The following KRT6C variants were observed in gnomAD, a reference collection of about 807,000 sequenced individuals.
KRT6C encodes keratin 6C.
A neutral mutation model predicts 49.4 loss-of-function variants in KRT6C; 46 were observed. That is an observed-to-expected ratio of 0.93 (90% CI 0.74 to 1.19). The LOEUF (loss-of-function observed/expected upper bound fraction) is 1.19, where lower values mean the gene tolerates loss of function less well. Among genes scored for constraint, KRT6C ranks in the 50% most tolerant of loss-of-function variants. The probability of loss-of-function intolerance (pLI) is 0.00; values close to 1 mark genes in which losing one functional copy is unlikely to be tolerated. For synonymous variants in KRT6C, 236 were observed against 297.1 expected (o/e 0.79, Z 2.12); for missense variants, 552 against 737.5 (o/e 0.75, Z 2.91).
Position 52,468,668 on chromosome 12 carries a change from T to C in KRT6C, c.*394A>G, listed in dbSNP as rs1359239384. The C allele has an allele frequency of 7.7e-6, 2 of 261,292 alleles. No individual in the cohort carries two copies. Among genetic ancestry groups the C allele is most frequent in the African/African-American group, 4.4e-5 (2 of 45,478 alleles). 16.2% of individuals were successfully genotyped at this position (261,292 alleles called of 1,614,324 possible). A position where few individuals can be genotyped will look rare whatever the true frequency, so the allele number is the denominator to read the frequency against. ...TTCACAATACTTTTAACTTAGGGAG[T>C]TTGGGGGCCAATGGAAAATAAGTGG... On this transcript the variant is annotated 3_prime_UTR_variant, in exon 9 of 9. Coordinates refer to ENST00000252250, the MANE Select transcript of KRT6C (RefSeq NM_173086.5).
chr12:52,473,406 C>G lies in KRT6C; in HGVS notation c.332G>C (p.Gly111Ala), dbSNP rs394598. 1 of 1,253,676 alleles carries G rather than the reference C, an allele frequency of 8.0e-7. No homozygotes were observed. The highest frequency in any genetic ancestry group is 1.1e-6 in the Non-Finnish European group (1 of 900,054). 77.7% of individuals were successfully genotyped at this position (1,253,676 alleles called of 1,614,324 possible). ...AGCAAGGCCGGCTCCACCACCCAGA[C>G]CAAAGCCAATGCCGGCTCCACCACC... The part of the protein sequence containing the change: ...GFGGGAGIGF[G>A]LGGGAGLAGG... The change falls in exon 1 of 9, where the codon GGT (glycine) becomes GCT (alanine). Residue 111 changes from glycine to alanine, a missense_variant. Transcript: ENST00000252250.
At chr12:52,471,925 T>C in intron 2 of KRT6C, 141 bp downstream of exon 2, 1 of 1,112,318 alleles carries the variant, frequency 9.0e-7, no homozygotes, top group South Asian at 1.3e-5. Context: ...CATAACCATC[T>C]GTGGTTCTTG....
Position 52,469,312 on chromosome 12 carries a change from G to A in KRT6C, c.1460-15C>T, listed in dbSNP as rs1270944826. 1.2e-6 allele frequency: 2 copies of A among 1,613,966 alleles called. No individual in the cohort carries two copies. The highest frequency in any genetic ancestry group is 3.3e-5 in the Admixed American group (2 of 60,020). On this transcript the variant is annotated splice_polypyrimidine_tract_variant and intron_variant, in intron 8 of 8. Coordinates refer to ENST00000252250, the MANE Select transcript of KRT6C (RefSeq NM_173086.5). ...CTGTACTACAGCTGTGGTGGGGAGG[G>A]GACAAGGACACAAGAAGCCACGGTG...
chr12:52,470,809 C>T (rs1937865042), intron 5 of KRT6C, among the ~76,000 whole-genome samples, 179 bp from the exon 6 acceptor site: 2 of 152,032 alleles, frequency 1.3e-5, no homozygotes, highest in South Asian at 4.1e-4. Context: ...ACAGACGATC[C>T]TCATTATGGC....
Position 52,469,767 on chromosome 12 carries a change from G to A in KRT6C, c.1327C>T (p.Arg443Trp), listed in dbSNP as rs755081735. 54 of 1,614,086 alleles carry A rather than the reference G, an allele frequency of 3.3e-5. No homozygotes were observed. In the South Asian group the frequency reaches 4.1e-4, roughly 12 times the overall value. ...ALQKAKQDLA[R>W]LLKEYQELMN... The stretch of plus-strand genomic sequence containing the variant: ...AGCTCCTGGTACTCCTTCAGCAGCC[G>A]GGCCAGGTCCTGCTTGGCCTTCTGC... Residue 443 changes from arginine (R) to tryptophan (W), a missense_variant, in exon 7 of 9, where the codon CGG becomes TGG. Transcript: ENST00000252250.
intron 1 of KRT6C, among the ~76,000 whole-genome samples, chr12:52,472,624 G>T (rs1264404757): frequency 1.5e-5 from 2 of 135,032 alleles, no homozygotes; most frequent in African/African-American, 4.9e-5. Context: ...TTACTGATAG[G>T]ATCTTAGTTA....
At position 52,471,814 on chromosome 12, in the gene KRT6C, T is replaced by C. The variant is rs941880801; in HGVS notation, c.756-82A>G. On this transcript the variant is annotated intron_variant, in intron 2 of 8. Coordinates refer to ENST00000252250, the MANE Select transcript of KRT6C (RefSeq NM_173086.5). ...AGCAGCTTGGGATTCAACAATTTCC[T>C]GAATGGAATATATTCTAATTGAGCT... The C allele has an allele frequency of 2.0e-5, 29 of 1,471,332 alleles. No individual in the cohort carries two copies. The African/African-American group carries it at 2.7e-4, about 14-fold the overall frequency. 91.1% of individuals were successfully genotyped at this position (1,471,332 alleles called of 1,614,324 possible). A position where few individuals can be genotyped will look rare whatever the true frequency, so the allele number is the denominator to read the frequency against.
rs1193053602 is a variant in KRT6C, at chr12:52,472,480, G to A, written c.541-200C>T. 1.5e-5 allele frequency among the ~76,000 whole-genome samples: 2 copies of A among 135,210 alleles called. 1 individual carries two copies. Among genetic ancestry groups the A allele is most frequent in the Non-Finnish European group, 3.4e-5 (2 of 58,298 alleles). 88.7% of individuals were successfully genotyped at this position (135,210 alleles called of 152,430 possible). On this transcript the variant is annotated intron_variant, in intron 1 of 8. Transcript: ENST00000252250. ...GTCTCACTAGAGAAATTGTCCCATG[G>A]ACCATTGAGGTGTTCTCACGCTGTA... is the stretch of plus-strand genomic sequence containing the variant.
Position 52,468,966 on chromosome 12 carries a change from G to C in KRT6C, c.*96C>G. 3 of 1,506,942 alleles carry C rather than the reference G, an allele frequency of 2.0e-6. No homozygotes were observed. The highest frequency in any genetic ancestry group is 2.8e-6 in the Non-Finnish European group (3 of 1,090,424). The allele number at this position is 1,506,942 out of a possible 1,614,324, so 93.3% of individuals were successfully genotyped here. A position where few individuals can be genotyped will look rare whatever the true frequency, so the allele number is the denominator to read the frequency against. On this transcript the variant is annotated 3_prime_UTR_variant, in exon 9 of 9. Coordinates refer to ENST00000252250, the MANE Select transcript of KRT6C (RefSeq NM_173086.5). ...CAGCTCTACCTCGGAGAGCAGGGAA[G>C]ACTAGAGGCCAGGAGAGGATAGGCA...
Position 52,471,470 on chromosome 12 carries a change from G to A in KRT6C, c.863C>T (p.Ala288Val), listed in dbSNP as rs559979632. The change falls in exon 4 of 9, where the codon GCA becomes GTA. Residue 288 changes from alanine (A) to valine (V), a missense_variant. Around this residue, in one of 3 missense-constraint regions of KRT6C, gnomAD observed 425 missense variants for 439.4 expected, o/e 0.97. Coordinates refer to ENST00000252250, the MANE Select transcript of KRT6C (RefSeq NM_173086.5). Reference protein sequence around the residue: ...YMNKVELQAKADTLTDEINFL... With the variant: ...YMNKVELQAKVDTLTDEINFL... ...GTTGATCTCATCTGTGAGAGTGTCT[G>A]CCTTGGCTTGCAGTTCAACCTTGTT... 6.2e-7 allele frequency: 1 copy of A among 1,613,810 alleles called. No homozygotes were observed. Among genetic ancestry groups the A allele is most frequent in the East Asian group, 2.2e-5 (1 of 44,878 alleles).
chr12:52,472,848 C>T (rs139735490), intron 1 of KRT6C, among the ~76,000 whole-genome samples: 14,802 of 101,112 alleles, frequency 0.15, 874 homozygotes, highest in East Asian at 0.23. Context: ...CTTACCCAGA[C>T]CCCAGAGTGT....
Position 52,469,381 on chromosome 12 carries a change from C to G in KRT6C, c.1459+30G>C, listed in dbSNP as rs200573065. ...GAGCCCAGTCAGAAGAGTGCGAGGGCAGGGGAGGAAGGCAAGCAAAGGTAC... is the reference window on the plus strand; with the variant it reads ...GAGCCCAGTCAGAAGAGTGCGAGGGGAGGGGAGGAAGGCAAGCAAAGGTAC... On this transcript the variant is annotated intron_variant, in intron 8 of 8. Transcript: ENST00000252250. The G allele has an allele frequency of 5.6e-4, 908 of 1,614,026 alleles. 2 individuals are homozygous for G. The highest frequency in any genetic ancestry group is 7.8e-4 in the South Asian group (71 of 91,074).
Position 52,471,145 on chromosome 12 carries a change from C to A in KRT6C, c.1064G>T (p.Trp355Leu). The A allele has an allele frequency of 6.2e-7, 1 of 1,614,146 alleles. No individual in the cohort carries two copies. The highest frequency in any genetic ancestry group is 8.5e-7 in the Non-Finnish European group (1 of 1,180,034). ...AQRSRAEAES[W>L]YQTKYEELQV... ...CTCCCTGCTCACCTTGGTCTGGTAC[C>A]AGGACTCAGCCTCAGCCCGGCTCCT... The change falls in exon 5 of 9, where the codon TGG (tryptophan) becomes TTG (leucine). Residue 355 changes from tryptophan (W) to leucine (L), a missense_variant. Coordinates refer to ENST00000252250, the MANE Select transcript of KRT6C (RefSeq NM_173086.5).
intron 7 of KRT6C, 34 bp downstream of exon 7, chr12:52,469,636 T>C (rs767128126): frequency 6.8e-6 from 11 of 1,614,054 alleles, no homozygotes; most frequent in Non-Finnish European, 9.3e-6. Context: ...GAAGATGGAC[T>C]CAGCTGTTGG....
chr12:52,471,902 C>G (rs1394669176), intron 2 of KRT6C, among the ~76,000 whole-genome samples, 164 bp downstream of exon 2: 4 of 149,604 alleles, frequency 2.7e-5, no homozygotes, highest in Non-Finnish European at 5.9e-5. Flanking sequence ...CTTCTTTAAT[C>G]CCCCCATCCT....
At chr12:52,470,856 A>G (rs570342232) in intron 5 of KRT6C, among the ~76,000 whole-genome samples, 26 of 152,228 alleles carry the variant, frequency 1.7e-4, no homozygotes, top group South Asian at 4.1e-4. Context: ...GAGTAGAAAT[A>G]TTCTGTACCA....
chr12:52,469,396 A>G lies in KRT6C; in HGVS notation c.1459+15T>C, dbSNP rs765712136. 60 of 1,613,998 alleles carry G rather than the reference A, an allele frequency of 3.7e-5. No homozygotes were observed. Among genetic ancestry groups the G allele is most frequent in the Non-Finnish European group, 5.0e-5 (59 of 1,179,882 alleles). On this transcript the variant is annotated intron_variant, in intron 8 of 8. Transcript: ENST00000252250. ...AGTGCGAGGGCAGGGGAGGAAGGCA[A>G]GCAAAGGTACTTACAGACGTTGACT...
chr12:52,471,363 A>T (rs1232475446), intron 4 of KRT6C, 58 bp downstream of exon 4: 1 of 1,614,064 alleles, frequency 6.2e-7, no homozygotes, highest in East Asian at 2.2e-5. Flanking sequence ...AACCCTATAC[A>T]TCTTCTCCCC....
Position 52,469,850 on chromosome 12 carries a change from C to A in KRT6C, c.1244G>T (p.Arg415Leu), listed in dbSNP as rs748113564. The A allele has an allele frequency of 1.2e-6, 2 of 1,614,124 alleles. No individual in the cohort carries two copies. The highest frequency in any genetic ancestry group is 1.1e-5 in the South Asian group (1 of 91,084). The change falls in exon 7 of 9, where the codon CGT becomes CTT. Residue 415 changes from arginine (R) to leucine (L), a missense_variant. Around this residue, in one of 3 missense-constraint regions of KRT6C, gnomAD observed 425 missense variants for 439.4 expected, o/e 0.97. Coordinates refer to ENST00000252250, the MANE Select transcript of KRT6C (RefSeq NM_173086.5). ...LQAAIADAEQRGEMALKDAKN... is the reference protein window; with the variant it reads ...LQAAIADAEQLGEMALKDAKN... ...AGCATCCTTGAGTGCCATCTCCCCA[C>A]GCTGCTCAGCATCAGCAATGGCAGC...
Sources: gnomAD v4.1 joint callset for allele counts (sites outside exome capture counted in the v4.1 genomes callset) on GRCh38, gnomAD v4.1.1 for gene constraint, gnomAD v4.1.1 regional missense constraint, MANE v1.5 for transcripts, NCBI Gene and HGNC (gene_info 2026-07-23, HGNC 2026-07-21) for gene names.